The following LHFPL3 variants were observed in gnomAD, a reference collection of about 807,000 sequenced individuals.
The protein encoded by LHFPL3 is LHFPL tetraspan subfamily member 3 protein.
A neutral mutation model predicts 19.3 loss-of-function variants in LHFPL3; 5 were observed. The observed-to-expected ratio is 0.26, with a 90% confidence interval of 0.14 to 0.54. LHFPL3 has a LOEUF of 0.54. LHFPL3 is among the 20% of genes least tolerant of loss of function. The probability of loss-of-function intolerance (pLI) is 0.94; values close to 1 mark genes in which losing one functional copy is unlikely to be tolerated. For synonymous variants in LHFPL3, 133 were observed against 126.2 expected (o/e 1.05, Z -0.36); for missense variants, 249 against 307.4 (o/e 0.81, Z 1.42).
intron 2 of LHFPL3, among the ~76,000 whole-genome samples, chr7:104,870,405 G>A (rs1791810879): frequency 6.6e-6 from 1 of 152,092 alleles, no homozygotes. Flanking sequence ...CGCCCGACTT[G>A]CACCTCTGGG....
intron 1 of LHFPL3, among the ~76,000 whole-genome samples, chr7:104,704,758 C>G (rs779423215): frequency 3.3e-5 from 5 of 152,134 alleles, no homozygotes; most frequent in Non-Finnish European, 7.4e-5. Flanking sequence ...GCCTCAGCCT[C>G]CCATGTAGCT....
At chr7:104,507,439 C>A (rs1793720604) in intron 1 of LHFPL3, among the ~76,000 whole-genome samples, 1 of 140,150 alleles carries the variant, frequency 7.1e-6, no homozygotes. Flanking sequence ...CTTCCTTACA[C>A]CTTATACAAA....
In LHFPL3 at chr7:104,641,863, G is replaced by T. The variant is rs145255694; in HGVS notation, c.446-94812G>T. Among the ~76,000 whole-genome samples, 2 of 152,184 alleles carry T rather than the reference G, an allele frequency of 1.3e-5. 1 individual carries two copies. Among genetic ancestry groups the T allele is most frequent in the East Asian group, 3.9e-4 (2 of 5,184 alleles). ...ATACTTTCCCCTGTATGAAATGTAG[G>T]TGATTACCGAAGAAAATGACTTTTC... On this transcript the variant is annotated intron_variant, in intron 1 of 2. Transcript: ENST00000424859.
At chr7:104,552,475 A>G (rs973464477) in intron 1 of LHFPL3, among the ~76,000 whole-genome samples, 1 of 152,220 alleles carries the variant, frequency 6.6e-6, no homozygotes, top group African/African-American at 2.4e-5. Flanking sequence ...TCTAATCTGC[A>G]GAGACATTGC....
At chr7:104,732,110 G>T (rs1793716069) in intron 1 of LHFPL3, among the ~76,000 whole-genome samples, 1 of 152,170 alleles carries the variant, frequency 6.6e-6, no homozygotes, top group Admixed American at 6.5e-5. Context: ...TTGATGTGCT[G>T]CTGGATTCAG....
At chr7:104,779,391 C>T (rs1243127178) in intron 2 of LHFPL3, among the ~76,000 whole-genome samples, 1 of 152,126 alleles carries the variant, frequency 6.6e-6, no homozygotes, top group Non-Finnish European at 1.5e-5. Context: ...TGTTTCATAA[C>T]CAAAATATAG....
At chr7:104,643,602 A>G (rs1791876091) in intron 1 of LHFPL3, among the ~76,000 whole-genome samples, 1 of 152,174 alleles carries the variant, frequency 6.6e-6, no homozygotes, top group African/African-American at 2.4e-5. Flanking sequence ...GTCAGTAGAG[A>G]TTAACCCTGG....
At chr7:104,735,083 C>T (rs551061457) in intron 1 of LHFPL3, among the ~76,000 whole-genome samples, 22 of 152,192 alleles carry the variant, frequency 1.4e-4, no homozygotes, top group African/African-American at 4.8e-4. Context: ...CTGGAAGTTT[C>T]GTCTCAGAGG....
At chr7:104,831,607 C>T (rs953172059) in intron 2 of LHFPL3, among the ~76,000 whole-genome samples, 3 of 151,868 alleles carry the variant, frequency 2.0e-5, no homozygotes, top group Non-Finnish European at 2.9e-5. Context: ...CACCAAACCA[C>T]CAGACACCCC....
At chr7:104,789,078 C>T (rs1302916414) in intron 2 of LHFPL3, among the ~76,000 whole-genome samples, 1 of 152,124 alleles carries the variant, frequency 6.6e-6, no homozygotes, top group Non-Finnish European at 1.5e-5. Context: ...AACTCCAAAA[C>T]ACACAATACA....
intron 1 of LHFPL3, among the ~76,000 whole-genome samples, chr7:104,446,090 G>T (rs1792325520): frequency 6.6e-6 from 1 of 152,076 alleles, no homozygotes; most frequent in South Asian, 2.1e-4. Flanking sequence ...TGCCTTCTAG[G>T]TCAGTTTCTA....
chr7:104,824,516 A>G (rs1372178920), intron 2 of LHFPL3, among the ~76,000 whole-genome samples: 2 of 61,130 alleles, frequency 3.3e-5, no homozygotes, highest in African/African-American at 1.3e-4. Context: ...TATTTTATAT[A>G]TATTATTTTA....
At chr7:104,600,686 A>C (rs943428849) in intron 1 of LHFPL3, among the ~76,000 whole-genome samples, 1 of 152,240 alleles carries the variant, frequency 6.6e-6, no homozygotes, top group Non-Finnish European at 1.5e-5. Context: ...GGTCGTGGCA[A>C]AGCCAAGGAC....
chr7:104,607,640 G>A (rs1208599325), intron 1 of LHFPL3, among the ~76,000 whole-genome samples: 4 of 152,106 alleles, frequency 2.6e-5, no homozygotes, highest in Non-Finnish European at 5.9e-5. Context: ...AGACAAAATT[G>A]ACAAATGGGA....
Position 104,666,509 on chromosome 7 carries a change from ATTCTTTTT to A in LHFPL3, c.446-70163_446-70156del, listed in dbSNP as rs1392034640. Among the ~76,000 whole-genome samples the A allele has an allele frequency of 9.7e-4, 43 of 44,180 alleles. No individual in the cohort carries two copies. The South Asian group carries it at 0.02, about 20-fold the overall frequency. The allele number at this position is 44,180 out of a possible 152,430, so 29.0% of individuals were successfully genotyped here. On this transcript the variant is annotated intron_variant, in intron 1 of 2. Transcript: ENST00000424859. ...ACGTTGCTGAAAATGACAGGATTTC[ATTCTTTTT>A]TTTTTTTTTTTTTTTTTTTTTTGAG... is the stretch of plus-strand genomic sequence containing the variant.
At chr7:104,753,176 C>T (rs1794210341) in intron 2 of LHFPL3, among the ~76,000 whole-genome samples, 1 of 152,170 alleles carries the variant, frequency 6.6e-6, no homozygotes, top group African/African-American at 2.4e-5. Context: ...CAACAATGGC[C>T]AGACCACTAT....
intron 1 of LHFPL3, among the ~76,000 whole-genome samples, chr7:104,640,164 G>A (rs769672793): frequency 5.1e-4 from 78 of 152,276 alleles, no homozygotes; most frequent in South Asian, 1.2e-3. Context: ...ATGCAGGTTT[G>A]TTACATAGTT....
intron 1 of LHFPL3, among the ~76,000 whole-genome samples, chr7:104,427,711 G>A (rs1034732675): frequency 6.6e-6 from 1 of 152,200 alleles, no homozygotes; most frequent in Non-Finnish European, 1.5e-5. Flanking sequence ...TCCATTTGGG[G>A]TTATGAGCAG....
intron 1 of LHFPL3, among the ~76,000 whole-genome samples, chr7:104,371,499 T>C (rs1273487177): frequency 1.3e-5 from 2 of 152,240 alleles, no homozygotes; most frequent in Non-Finnish European, 2.9e-5. Context: ...TCCTACTTTT[T>C]AGATTGCTTT....
Sources: allele counts gnomAD v4.1 joint callset (sites outside exome capture counted in the v4.1 genomes callset), GRCh38; gene constraint gnomAD v4.1.1; transcripts MANE v1.5; gene names NCBI Gene and HGNC (gene_info 2026-07-23, HGNC 2026-07-21).